ITGA8: variants seen among roughly 807,000 people sequenced by gnomAD.
ITGA8 encodes integrin subunit alpha 8, also known as integrin alpha-8.
In ITGA8, 91 loss-of-function variants were observed where a neutral mutation model predicts 142.3. That is an observed-to-expected ratio of 0.64 (90% confidence interval 0.54 to 0.76). ITGA8 has a LOEUF of 0.76. Among genes scored for constraint, ITGA8 ranks in the 30% least tolerant of loss-of-function variants. The probability of loss-of-function intolerance (pLI) is 0.00; values close to 1 mark genes in which losing one functional copy is unlikely to be tolerated. For missense variants in ITGA8, 1,406 were observed against 1,327.7 expected (o/e 1.06, Z -0.92); for synonymous variants, 505 against 485.2 (o/e 1.04, Z -0.54).
chr10:15,697,386 G>A (rs1191361400), intron 2 of ITGA8, among the ~76,000 whole-genome samples: 5 of 152,040 alleles, frequency 3.3e-5, no homozygotes, highest in Admixed American at 6.6e-5. Flanking sequence ...CAAACATTAC[G>A]GCACGTTTTG....
intron 2 of ITGA8, among the ~76,000 whole-genome samples, chr10:15,697,356 T>A (rs1835076177): frequency 6.6e-6 from 1 of 152,190 alleles, no homozygotes. Context: ...GAATGGACAA[T>A]GTTTTTAAAT....
chr10:15,521,412 G>C (rs527508792), intron 28 of ITGA8, among the ~76,000 whole-genome samples: 1 of 151,986 alleles, frequency 6.6e-6, no homozygotes, highest in Non-Finnish European at 1.5e-5. Flanking sequence ...TTCTTGATCC[G>C]CATCCCCCAT....
intron 2 of ITGA8, among the ~76,000 whole-genome samples, chr10:15,703,119 C>A (rs1371870931): frequency 2.0e-5 from 3 of 152,124 alleles, no homozygotes; most frequent in African/African-American, 7.2e-5. Flanking sequence ...GCTAAGTGAG[C>A]TAAATGCATG....
chr10:15,633,819 T>C (rs1833724835), intron 13 of ITGA8, among the ~76,000 whole-genome samples: 1 of 152,216 alleles, frequency 6.6e-6, no homozygotes, highest in Non-Finnish European at 1.5e-5. Flanking sequence ...AAATCATTAA[T>C]TCACAATGTT....
At chr10:15,708,308 A>G (rs528656644) in intron 2 of ITGA8, among the ~76,000 whole-genome samples, 1 of 152,338 alleles carries the variant, frequency 6.6e-6, no homozygotes, top group Admixed American at 6.5e-5. Context: ...GAAGAAGGTC[A>G]TCCAGTCTTC....
chr10:15,695,626 A>G (rs1162297463), intron 2 of ITGA8, among the ~76,000 whole-genome samples: 1 of 152,224 alleles, frequency 6.6e-6, no homozygotes, highest in Non-Finnish European at 1.5e-5. Flanking sequence ...ATGTCTGTCA[A>G]TACTCAGCAC....
chr10:15,601,859 A>G (rs968316710), intron 20 of ITGA8, among the ~76,000 whole-genome samples: 6 of 152,248 alleles, frequency 3.9e-5, no homozygotes, highest in Non-Finnish European at 7.3e-5. Context: ...TGAAATCAAA[A>G]GGTACACAAA....
intron 22 of ITGA8, among the ~76,000 whole-genome samples, chr10:15,588,696 G>A (rs1336446243): frequency 6.6e-6 from 1 of 152,112 alleles, no homozygotes; most frequent in Non-Finnish European, 1.5e-5. Flanking sequence ...TTAAGTTATT[G>A]CATAATTCTA....
intron 15 of ITGA8, among the ~76,000 whole-genome samples, chr10:15,612,959 G>A (rs1000588166): frequency 5.3e-5 from 8 of 152,172 alleles, no homozygotes; most frequent in African/African-American, 1.2e-4. Flanking sequence ...TCAGGAGTTC[G>A]AGACCAGCCT....
At chr10:15,613,840 G>T in intron 14 of ITGA8, 73 bp from the exon 15 acceptor site, 2 of 986,082 alleles carry the variant, frequency 2.0e-6, no homozygotes, top group South Asian at 1.3e-5. Context: ...CCACTTCACT[G>T]CATACTGAAC....
chr10:15,654,033 A>G (rs1834138470), intron 11 of ITGA8, among the ~76,000 whole-genome samples: 1 of 151,808 alleles, frequency 6.6e-6, no homozygotes. Flanking sequence ...ACATGGTTTC[A>G]CCACATTGGT....
chr10:15,586,518 T>G, intron 23 of ITGA8, 66 bp downstream of exon 23: 1 of 916,460 alleles, frequency 1.1e-6, no homozygotes, highest in Non-Finnish European at 1.8e-6. Context: ...CACATCATTT[T>G]CACTAGTATT....
In ITGA8 at chr10:15,680,216, C is replaced by CTTTTT. The variant is rs71374638; in HGVS notation, c.569-1438_569-1434dup. Among the ~76,000 whole-genome samples, 5 of 54,276 alleles carry CTTTTT rather than the reference C, an allele frequency of 9.2e-5. 1 individual carries two copies. Among genetic ancestry groups the CTTTTT allele is most frequent in the African/African-American group, 2.5e-4 (3 of 12,064 alleles). The allele number at this position is 54,276 out of a possible 152,430, so 35.6% of individuals were successfully genotyped here. A position where few individuals can be genotyped will look rare whatever the true frequency, so the allele number is the denominator to read the frequency against. ...CACCATCAATTTTTTCCAGATGCTC[C>CTTTTT]TTTTTTTTTTTTTTTTTTTTTTTTT... On this transcript the variant is annotated intron_variant, in intron 4 of 29. Transcript: ENST00000378076.
intron 2 of ITGA8, among the ~76,000 whole-genome samples, chr10:15,702,379 C>A (rs533155383): frequency 6.6e-6 from 1 of 151,952 alleles, no homozygotes; most frequent in South Asian, 2.1e-4. Flanking sequence ...CAACCTCCGC[C>A]TCCCGGATTC....
intron 8 of ITGA8, among the ~76,000 whole-genome samples, chr10:15,661,964 G>C (rs1275559322): frequency 6.6e-6 from 1 of 152,148 alleles, no homozygotes; most frequent in Non-Finnish European, 1.5e-5. Context: ...TAATAGGGTT[G>C]ACTGATTTCA....
intron 20 of ITGA8, among the ~76,000 whole-genome samples, chr10:15,602,088 T>A (rs776855637): frequency 6.6e-6 from 1 of 152,226 alleles, no homozygotes; most frequent in African/African-American, 2.4e-5. Flanking sequence ...AACAGTAAAC[T>A]GGATGTTCTG....
intron 28 of ITGA8, among the ~76,000 whole-genome samples, chr10:15,523,953 C>A (rs1443027037): frequency 6.6e-6 from 1 of 151,864 alleles, no homozygotes; most frequent in Non-Finnish European, 1.5e-5. Context: ...AACAAAAAAA[C>A]AAAAAACACT....
rs1588643347 is a variant in ITGA8, at chr10:15,558,176, A to G, written c.2664T>C (p.Pro888=). The change falls in exon 26 of 30, where the codon CCT becomes CCC. Residue 888 remains proline (P), a synonymous_variant. Transcript: ENST00000378076. ...AGTTTCGCAAAAAGGCGCTGAGCTC[A>G]GGGGTGTCCTCTGGGGAGGCAGCAG... ...IKPAASPEDT[P]ELSAFLRNST... is the part of the protein sequence containing the mutation. 1 of 1,613,872 alleles carries G rather than the reference A, an allele frequency of 6.2e-7. No homozygotes were observed. Among genetic ancestry groups the G allele is most frequent in the South Asian group, 1.1e-5 (1 of 91,082 alleles).
At chr10:15,575,456 C>A in intron 24 of ITGA8, 33 bp downstream of exon 24, 1 of 1,411,878 alleles carries the variant, frequency 7.1e-7, no homozygotes, top group Non-Finnish European at 1.0e-6. Context: ...AAGAATAAAC[C>A]CCTAACACAA....
Sources: gnomAD v4.1 joint callset for allele counts (sites outside exome capture counted in the v4.1 genomes callset) on GRCh38, gnomAD v4.1.1 for gene constraint, MANE v1.5 for transcripts, NCBI Gene and HGNC (gene_info 2026-07-23, HGNC 2026-07-21) for gene names.